EXD3: variants seen among roughly 807,000 people sequenced by gnomAD.
EXD3 encodes the protein exonuclease mut-7 homolog.
In EXD3, 92 loss-of-function variants were observed where a neutral mutation model predicts 98.0. The ratio of observed to expected loss-of-function variants is 0.94; its 90% CI spans 0.79 to 1.12. The LOEUF is 1.12. Among genes scored for constraint, EXD3 ranks in the 50% most tolerant of loss-of-function variants. The pLI, the probability that EXD3 is intolerant of heterozygous loss-of-function variation, is 0.00. For synonymous variants in EXD3, 569 were observed against 526.0 expected (o/e 1.08, Z -1.12); for missense variants, 1,222 against 1,191.6 (o/e 1.03, Z -0.38).
chr9:137,318,521 G>A (rs1002350492), intron 19 of EXD3, among the ~76,000 whole-genome samples: 1 of 152,214 alleles, frequency 6.6e-6, no homozygotes, highest in Non-Finnish European at 1.5e-5. Context: ...GGTATGCCTG[G>A]CCATGTCAGG....
In EXD3 at chr9:137,395,026, A is replaced by G. The variant is rs897774319; in HGVS notation, c.55+277T>C. On this transcript the variant is annotated intron_variant, in intron 2 of 21. Transcript: ENST00000340951. This position sits in a 1 kb window ranked among gnomAD's most constrained non-coding sequence, Gnocchi z 6.5. ...CCTGAGCAGCTGCACTGTCCCCGCC[A>G]CCTCCCCCGGATCCTGTCACAGGCC... Among the ~76,000 whole-genome samples the G allele has an allele frequency of 6.6e-6, 1 of 151,178 alleles. No homozygotes were observed. Among genetic ancestry groups the G allele is most frequent in the African/African-American group, 2.4e-5 (1 of 41,048 alleles).
chr9:137,388,211 C>A (rs1471109975), intron 2 of EXD3, among the ~76,000 whole-genome samples: 6 of 152,152 alleles, frequency 3.9e-5, no homozygotes, highest in African/African-American at 1.4e-4. Flanking sequence ...GCTTCCCCCC[C>A]AGCCACCCTC....
chr9:137,410,137 C>T (rs1837925457), intron 1 of EXD3, among the ~76,000 whole-genome samples: 1 of 152,066 alleles, frequency 6.6e-6, no homozygotes, highest in African/African-American at 2.4e-5. Flanking sequence ...GACCGTGCCA[C>T]TACACTCCAG....
intron 1 of EXD3, among the ~76,000 whole-genome samples, chr9:137,411,237 A>T (rs1837982799): frequency 6.6e-6 from 1 of 152,148 alleles, no homozygotes; most frequent in Non-Finnish European, 1.5e-5. Context: ...ACGCCCAGAA[A>T]GGCTCATCTT....
At chr9:137,328,189 G>C (rs543014737) in intron 17 of EXD3, among the ~76,000 whole-genome samples, 11 of 138,986 alleles carry the variant, frequency 7.9e-5, no homozygotes, top group South Asian at 4.8e-4. Context: ...AATATGATGA[G>C]TAAAACAATT....
intron 1 of EXD3, among the ~76,000 whole-genome samples, chr9:137,396,834 G>GAT (rs1338470335): frequency 6.6e-6 from 1 of 152,224 alleles, no homozygotes; most frequent in East Asian, 1.9e-4. Flanking sequence ...AAAACTGGAT[G>GAT]ATATATCTTA....
chr9:137,396,169 T>A (rs887605729), intron 1 of EXD3, among the ~76,000 whole-genome samples: 2 of 152,028 alleles, frequency 1.3e-5, no homozygotes, highest in Non-Finnish European at 2.9e-5. Flanking sequence ...GGTTTCCCCA[T>A]GTTGGTCAGG....
At position 137,405,319 on chromosome 9, in the gene EXD3, C is replaced by T. The variant is rs7467360; in HGVS notation, c.-47-9915G>A. 0.082 allele frequency among the ~76,000 whole-genome samples: 12,442 copies of T among 152,308 alleles called. 664 individuals are homozygous for T. Among genetic ancestry groups the T allele is most frequent in the Middle Eastern group, 0.21 (63 of 294 alleles). ...AGAGCAGGGGCCAGAGCCCCAACCC[C>T]CGCTGCTTCCCCAACTGCTCCCTGG... On this transcript the variant is annotated intron_variant, in intron 1 of 21. Transcript: ENST00000340951. This position sits in a 1 kb window ranked among gnomAD's most constrained non-coding sequence, Gnocchi z 4.1.
In EXD3 at chr9:137,403,058, G is replaced by A. The variant is rs1360192698; in HGVS notation, c.-47-7654C>T. Among the ~76,000 whole-genome samples, 1 of 152,156 alleles carries A rather than the reference G, an allele frequency of 6.6e-6. No individual in the cohort carries two copies. Among genetic ancestry groups the A allele is most frequent in the Non-Finnish European group, 1.5e-5 (1 of 68,034 alleles). ...TGGGAGATACAATTCAAGTTGAGAT[G>A]TGGGTGAGGACACAGCCAAAGCATA... is the stretch of plus-strand genomic sequence containing the variant. On this transcript the variant is annotated intron_variant, in intron 1 of 21. Transcript: ENST00000340951. This position sits in a 1 kb window ranked among gnomAD's most constrained non-coding sequence, Gnocchi z 6.1.
rs905295659 is a variant in EXD3 at position 137,371,384 on chromosome 9, C to T, written c.462+1521G>A. 7.9e-5 allele frequency among the ~76,000 whole-genome samples: 12 copies of T among 152,172 alleles called. No homozygotes were observed. Among genetic ancestry groups the T allele is most frequent in the African/African-American group, 2.4e-4 (10 of 41,536 alleles). On this transcript the variant is annotated intron_variant, in intron 5 of 21. Transcript: ENST00000340951. The surrounding 1 kb of genome is among the most constrained non-coding windows in gnomAD (Gnocchi z 8.0). ...AGGTGACAGCGCCAGGGGTGGGGCCCGCGCGGCCCACACAGGGGACACTCC... is the reference window on the plus strand; with the variant it reads ...AGGTGACAGCGCCAGGGGTGGGGCCTGCGCGGCCCACACAGGGGACACTCC...
Position 137,366,710 on chromosome 9 carries a change from C to T in EXD3, c.517-78G>A, listed in dbSNP as rs548214259. 1.5e-4 allele frequency: 228 copies of T among 1,491,754 alleles called. 1 individual carries two copies. In the South Asian group the frequency reaches 2.2e-3, roughly 15 times the overall value. The allele number at this position is 1,491,754 out of a possible 1,614,324, so 92.4% of individuals were successfully genotyped here. A position where few individuals can be genotyped will look rare whatever the true frequency, so the allele number is the denominator to read the frequency against. On this transcript the variant is annotated intron_variant, in intron 6 of 21. Transcript: ENST00000340951. ...TGACTCACCTCCAACCCAGAGGGAG[C>T]GGCCAAAGTGTCAGAACGAAAGGGG...
chr9:137,365,751 C>T (rs1835206718), intron 7 of EXD3: 1 of 326,122 alleles, frequency 3.1e-6, no homozygotes, highest in Non-Finnish European at 6.0e-6. Flanking sequence ...CACACACATA[C>T]ATGCACACAC....
In EXD3 at chr9:137,385,198, G is replaced by A. The variant is rs1319936471; in HGVS notation, c.56-1821C>T. 1.3e-5 allele frequency among the ~76,000 whole-genome samples: 2 copies of A among 152,192 alleles called. No individual in the cohort carries two copies. The highest frequency in any genetic ancestry group is 2.4e-5 in the African/African-American group (1 of 41,464). ...GGCACAGGCCAGTGTTCCCGTCTGC[G>A]CTCAGAACCGTCCCACCATCGTGCA... On this transcript the variant is annotated intron_variant, in intron 2 of 21. Transcript: ENST00000340951. This position sits in a 1 kb window ranked among gnomAD's most constrained non-coding sequence, Gnocchi z 4.4.
At chr9:137,421,228 C>A (rs1223179629) in intron 1 of EXD3, among the ~76,000 whole-genome samples, 1 of 152,170 alleles carries the variant, frequency 6.6e-6, no homozygotes, top group South Asian at 2.1e-4. Flanking sequence ...CAGCACATTA[C>A]CTGTCTGATG....
In EXD3 at chr9:137,354,369, C is replaced by G; in HGVS notation, c.840G>C (p.Leu280=). The G allele has an allele frequency of 6.2e-7, 1 of 1,612,318 alleles. No individual in the cohort carries two copies. ...CATGGTCGGTCCAGTTCTCCTGTGA[C>G]AGGCTCTTCTGCAAAGGCAAACAGG... is the stretch of plus-strand genomic sequence containing the variant. ...LCHKRFVEKS[L]SQENWTDHVQ... The change falls in exon 10 of 22, where the codon CTG becomes CTC. Residue 280 remains leucine, a synonymous_variant. Transcript: ENST00000340951.
rs555267819 is a variant in EXD3, at chr9:137,374,541, G to A, written c.121-942C>T. ...TGCTCCGGCGATTTGAAAGCTTACC[G>A]AAACAAAAGGCTCCCAGCACCTGAC... On this transcript the variant is annotated intron_variant, in intron 3 of 21. Transcript: ENST00000340951. 8.2e-5 allele frequency: 81 copies of A among 985,262 alleles called. No individual in the cohort carries two copies. In the South Asian group the frequency reaches 1.6e-3, roughly 19 times the overall value. The allele number at this position is 985,262 out of a possible 1,614,324, so 61.0% of individuals were successfully genotyped here. A position where few individuals can be genotyped will look rare whatever the true frequency, so the allele number is the denominator to read the frequency against.
chr9:137,372,602 C>T (rs965220956), intron 5 of EXD3, among the ~76,000 whole-genome samples: 5 of 152,220 alleles, frequency 3.3e-5, no homozygotes, highest in Non-Finnish European at 7.3e-5. Flanking sequence ...CCCAGGCCCA[C>T]CTAGGACCCT....
At chr9:137,321,721 G>A (rs1350175299) in intron 19 of EXD3, among the ~76,000 whole-genome samples, 1 of 152,112 alleles carries the variant, frequency 6.6e-6, no homozygotes, top group African/African-American at 2.4e-5. Flanking sequence ...TGGGCTTGTT[G>A]GAGCAGCCCC....
intron 3 of EXD3, among the ~76,000 whole-genome samples, chr9:137,381,886 C>T (rs1449082122): frequency 2.6e-5 from 4 of 152,182 alleles, no homozygotes; most frequent in South Asian, 2.1e-4. Flanking sequence ...ATGTGGCATT[C>T]GCCAGCTTGC....
Sources: gnomAD v4.1 joint callset for allele counts (sites outside exome capture counted in the v4.1 genomes callset) on GRCh38, gnomAD v4.1.1 for gene constraint, Gnocchi (gnomAD v3.1) non-coding constraint, MANE v1.5 for transcripts, NCBI Gene and HGNC (gene_info 2026-07-23, HGNC 2026-07-21) for gene names.